The following PSMA1 variants were observed in gnomAD, a reference collection of about 807,000 sequenced individuals.
The protein encoded by PSMA1 is proteasome 20S subunit alpha 1, also known as proteasome subunit alpha type-1.
A neutral mutation model predicts 38.4 loss-of-function variants in PSMA1; 3 were observed. That is an observed-to-expected ratio of 0.08 (90% CI 0.04 to 0.20). The LOEUF is 0.20. Among genes scored for constraint, PSMA1 ranks in the 10% least tolerant of loss-of-function variants. The pLI, the probability that PSMA1 is intolerant of heterozygous loss-of-function variation, is 1.00. For missense variants in PSMA1, 227 were observed against 325.3 expected (o/e 0.70, Z 2.32); for synonymous variants, 101 against 107.1 (o/e 0.94, Z 0.35).
At chr11:14,615,436 G>T (rs1371467045) in intron 1 of PSMA1, among the ~76,000 whole-genome samples, 1 of 152,228 alleles carries the variant, frequency 6.6e-6, no homozygotes, top group Non-Finnish European at 1.5e-5. Flanking sequence ...GAGGACAGAA[G>T]AGTACAATTG....
At chr11:14,620,622 A>T (rs1424128133) in intron 1 of PSMA1, among the ~76,000 whole-genome samples, 1 of 152,236 alleles carries the variant, frequency 6.6e-6, no homozygotes, top group Non-Finnish European at 1.5e-5. Context: ...CTGGCAATAA[A>T]GCAGCAAAGC....
chr11:14,635,927 C>T (rs1331202666), intron 1 of PSMA1, among the ~76,000 whole-genome samples: 2 of 152,098 alleles, frequency 1.3e-5, no homozygotes, highest in African/African-American at 4.8e-5. Context: ...GTTGGTTTAT[C>T]ATATCTATTT....
chr11:14,520,462 T>G (rs959452796), upstream of PSMA1: 1 of 1,533,134 alleles, frequency 6.5e-7, no homozygotes, highest in Non-Finnish European at 8.8e-7. Context: ...CTTGCAACAC[T>G]TCCCCCTCCT....
intron 2 of PSMA1, among the ~76,000 whole-genome samples, chr11:14,596,417 C>T (rs1011919471): frequency 1.3e-4 from 20 of 152,090 alleles, no homozygotes; most frequent in African/African-American, 4.8e-4. Flanking sequence ...TCTTTTATTT[C>T]CTTGAGCAGT....
intron 2 of PSMA1, among the ~76,000 whole-genome samples, chr11:14,527,863 C>A (rs1851603685): frequency 6.6e-6 from 1 of 152,138 alleles, no homozygotes; most frequent in South Asian, 2.1e-4. Context: ...GATAGAAGAT[C>A]TTCAGTGACA....
At position 14,564,332 on chromosome 11, in the gene PSMA1, A is replaced by T. The variant is rs577429995; in HGVS notation, c.22-45291T>A. On this transcript the variant is annotated intron_variant, in intron 2 of 10. Coordinates refer to the PSMA1 transcript ENST00000418988. ...TTTTTGGCCTTTTTTTTCATTCAGC[A>T]TAATTCTCTGGCGATTCATCCAGGT... Among the ~76,000 whole-genome samples, 355 of 152,312 alleles carry T rather than the reference A, an allele frequency of 2.3e-3. 3 individuals carry two copies. Among genetic ancestry groups the T allele is most frequent in the African/African-American group, 7.9e-3 (329 of 41,582 alleles).
chr11:14,628,088 T>C (rs905487998), intron 1 of PSMA1, among the ~76,000 whole-genome samples: 3 of 152,202 alleles, frequency 2.0e-5, no homozygotes, highest in Non-Finnish European at 4.4e-5. Context: ...GGAACATGAA[T>C]CCTTTTGTGA....
chr11:14,542,092 GA>G (rs1851779125), intron 2 of PSMA1, among the ~76,000 whole-genome samples: 1 of 151,978 alleles, frequency 6.6e-6, no homozygotes, highest in South Asian at 2.1e-4. Flanking sequence ...ACTTAATTTT[GA>G]AAAAGACCCA....
intron 2 of PSMA1, among the ~76,000 whole-genome samples, chr11:14,588,149 G>T (rs745915120): frequency 6.6e-6 from 1 of 152,222 alleles, no homozygotes; most frequent in Non-Finnish European, 1.5e-5. Flanking sequence ...CAGGTACATG[G>T]TTGAAGGAAT....
chr11:14,543,822 A>T (rs978180971), intron 2 of PSMA1, among the ~76,000 whole-genome samples: 1 of 152,186 alleles, frequency 6.6e-6, no homozygotes, highest in East Asian at 1.9e-4. Flanking sequence ...TGGTTCTGTT[A>T]TATGTCCTTT....
chr11:14,565,772 G>A (rs1038590773), intron 2 of PSMA1, among the ~76,000 whole-genome samples: 1 of 152,190 alleles, frequency 6.6e-6, no homozygotes, highest in Non-Finnish European at 1.5e-5. Flanking sequence ...TTAGAAAATG[G>A]TAAGTGCAAG....
In PSMA1 at chr11:14,517,648, A is replaced by C; in HGVS notation, c.248T>G (p.Leu83Arg). Residue 83 changes from leucine to arginine, a missense_variant, in exon 4 of 10, where the codon CTG becomes CGG. Leu to Arg is a moderately radical substitution (Grantham distance 102). Transcript: ENST00000396394. ...TTTTCATGATTATACTTACCATAACAGTCTAGCATCAGCAGTAAGCCCCGC... is the reference window on the plus strand; with the variant it reads ...TTTTCATGATTATACTTACCATAACCGTCTAGCATCAGCAGTAAGCCCCGC... The part of the protein sequence containing the change: ...SIAGLTADAR[L>R]LCNFMRQECL... 6.3e-7 allele frequency: 1 copy of C among 1,577,822 alleles called. No individual in the cohort carries two copies. The highest frequency in any genetic ancestry group is 8.6e-7 in the Non-Finnish European group (1 of 1,165,204).
intron 1 of PSMA1, among the ~76,000 whole-genome samples, chr11:14,625,222 G>A (rs1017198451): frequency 1.3e-5 from 2 of 152,184 alleles, no homozygotes; most frequent in Non-Finnish European, 2.9e-5. Flanking sequence ...GCCAAGGCAG[G>A]CAGATCACCT....
chr11:14,523,812 G>A (rs186663230), upstream of PSMA1, among the ~76,000 whole-genome samples: 376 of 150,880 alleles, frequency 2.5e-3, 2 homozygotes, highest in African/African-American at 8.7e-3. Context: ...CAAACTCCTG[G>A]ACTCAAGCTA....
At chr11:14,575,114 T>C (rs567713778) in intron 2 of PSMA1, among the ~76,000 whole-genome samples, 5 of 152,294 alleles carry the variant, frequency 3.3e-5, no homozygotes, top group East Asian at 1.9e-4. Context: ...TGTTGGGAAC[T>C]GGAGATGAAC....
At chr11:14,607,403 T>C (rs1181681508) in intron 2 of PSMA1, among the ~76,000 whole-genome samples, 1 of 152,222 alleles carries the variant, frequency 6.6e-6, no homozygotes, top group African/African-American at 2.4e-5. Context: ...TGATGCTCTG[T>C]GGGTCCTCCT....
chr11:14,568,622 T>C (rs372608802), intron 2 of PSMA1, among the ~76,000 whole-genome samples: 11 of 152,348 alleles, frequency 7.2e-5, no homozygotes, highest in African/African-American at 2.4e-4. Context: ...TGCAAAAGTG[T>C]CCTTACAAAA....
intron 2 of PSMA1, among the ~76,000 whole-genome samples, chr11:14,587,859 C>A (rs1852367313): frequency 6.6e-6 from 1 of 152,108 alleles, no homozygotes; most frequent in Admixed American, 6.5e-5. Context: ...TTTATATACT[C>A]CCTGACAGCA....
rs542996217 is a variant in PSMA1, at chr11:14,630,096, C to A, written c.-166+13359G>T. On this transcript the variant is annotated intron_variant, in intron 1 of 10. Transcript: ENST00000418988. ...CAATGGGGTTTTCTAGATATACAAT[C>A]ATGTCGTCTGCAAAAAGGGACAATT... 8.5e-3 allele frequency among the ~76,000 whole-genome samples: 1,289 copies of A among 152,222 alleles called. 12 individuals carry two copies. Among genetic ancestry groups the A allele is most frequent in the Non-Finnish European group, 0.014 (929 of 68,008 alleles).
Sources: allele counts gnomAD v4.1 joint callset (sites outside exome capture counted in the v4.1 genomes callset), GRCh38; gene constraint gnomAD v4.1.1; transcripts MANE v1.5; gene names NCBI Gene and HGNC (gene_info 2026-07-23, HGNC 2026-07-21).